Variants in FNIP2 observed in about 807,000 individuals in gnomAD.
FNIP2 encodes the protein folliculin interacting protein 2, also known as folliculin-interacting protein 2.
A neutral mutation model predicts 108.7 loss-of-function variants in FNIP2; 32 were observed. The ratio of observed to expected loss-of-function variants is 0.29; its 90% confidence interval spans 0.22 to 0.40. The LOEUF is 0.40. Ranked by LOEUF, FNIP2 falls within the 10% of genes least tolerant of loss-of-function variation. The pLI, the probability that FNIP2 is intolerant of heterozygous loss-of-function variation, is 1.00. For synonymous variants in FNIP2, 480 were observed against 496.7 expected (o/e 0.97, Z 0.45); for missense variants, 1,202 against 1,381.6 (o/e 0.87, Z 2.06).
At chr4:158,842,853 C>T (rs1779203491) in intron 7 of FNIP2, among the ~76,000 whole-genome samples, 1 of 151,960 alleles carries the variant, frequency 6.6e-6, no homozygotes. Context: ...CTTTTGAGGA[C>T]CCTTTAAAGT....
At position 158,831,941 on chromosome 4, in the gene FNIP2, C is replaced by T; in HGVS notation, c.462C>T (p.Thr154=). 1 of 1,610,874 alleles carries T rather than the reference C, an allele frequency of 6.2e-7. No homozygotes were observed. Among genetic ancestry groups the T allele is most frequent in the Non-Finnish European group, 8.5e-7 (1 of 1,178,202 alleles). Residue 154 remains threonine (T), a synonymous_variant, in exon 4 of 17, where the codon ACC becomes ACT. Coordinates refer to ENST00000264433, the MANE Select transcript of FNIP2 (RefSeq NM_020840.3). ...TTGCCATGAGTTACAAAGGCTCCAC[C>T]TTAAAGATACACTACATACGGTGAG... ...GSVAMSYKGS[T]LKIHYIRSPP...
intron 7 of FNIP2, among the ~76,000 whole-genome samples, chr4:158,839,952 G>A (rs1364838245): frequency 6.6e-6 from 1 of 152,142 alleles, no homozygotes; most frequent in African/African-American, 2.4e-5. Flanking sequence ...TTCTCTTTTG[G>A]ATATTTTGAA....
chr4:158,890,414 C>G (rs1318151746), intron 14 of FNIP2: 2 of 921,454 alleles, frequency 2.2e-6, no homozygotes, highest in Non-Finnish European at 2.6e-6. Context: ...TCTCACCACT[C>G]TCTTTCCCAT....
intron 1 of FNIP2, among the ~76,000 whole-genome samples, chr4:158,815,572 G>T (rs1240845892): frequency 6.6e-6 from 1 of 151,932 alleles, no homozygotes; most frequent in Admixed American, 6.6e-5. Flanking sequence ...TCACGTGTTA[G>T]CCAGGATGCT....
At chr4:158,804,165 C>T (rs920630151) in intron 1 of FNIP2, among the ~76,000 whole-genome samples, 1 of 152,078 alleles carries the variant, frequency 6.6e-6, no homozygotes, top group Non-Finnish European at 1.5e-5. Context: ...TGGTCTCAAA[C>T]TCCTGACCTC....
At chr4:158,885,463 A>G (rs923320926) in intron 14 of FNIP2, among the ~76,000 whole-genome samples, 1 of 152,190 alleles carries the variant, frequency 6.6e-6, no homozygotes, top group Non-Finnish European at 1.5e-5. Flanking sequence ...GGAAATGATC[A>G]TGTGGTATTT....
chr4:158,798,529 A>T (rs754310189), intron 1 of FNIP2, among the ~76,000 whole-genome samples: 74 of 152,158 alleles, frequency 4.9e-4, no homozygotes, highest in Non-Finnish European at 8.8e-4. Context: ...ATTTTTCTGA[A>T]TTATTGATTT....
intron 14 of FNIP2, among the ~76,000 whole-genome samples, chr4:158,880,542 TAACA>T (rs1781533903): frequency 6.6e-6 from 1 of 152,204 alleles, no homozygotes; most frequent in Non-Finnish European, 1.5e-5. Flanking sequence ...TATACATATG[TAACA>T]AACCTGCACG....
At chr4:158,871,453 C>T in intron 14 of FNIP2, 1 of 985,190 alleles carries the variant, frequency 1.0e-6, no homozygotes, top group Non-Finnish European at 1.2e-6. Flanking sequence ...TTATCTTTGG[C>T]CTTGAGCATC....
chr4:158,828,575 C>T (rs948253933), intron 2 of FNIP2, among the ~76,000 whole-genome samples: 15 of 152,108 alleles, frequency 9.9e-5, no homozygotes, highest in African/African-American at 2.9e-4. Context: ...GAGATCATGC[C>T]GCTGCACTAC....
rs751342844 is a variant in FNIP2 at position 158,868,064 on chromosome 4, C to T, written c.1466-38C>T. ...GGATATATCTGTGACATGCTAACCCCAGAGACCACTGCCTTTGTGTCCACC... is the reference window on the plus strand; with the variant it reads ...GGATATATCTGTGACATGCTAACCCTAGAGACCACTGCCTTTGTGTCCACC... On this transcript the variant is annotated intron_variant, in intron 12 of 16. Transcript: ENST00000264433. The surrounding 1 kb of genome is among the most constrained non-coding windows in gnomAD (Gnocchi z 4.6). 7.5e-6 allele frequency: 12 copies of T among 1,602,844 alleles called. No homozygotes were observed. The Admixed American group carries it at 1.0e-4, about 13-fold the overall frequency.
At chr4:158,804,667 C>T (rs141931047) in intron 1 of FNIP2, among the ~76,000 whole-genome samples, 2 of 152,088 alleles carry the variant, frequency 1.3e-5, no homozygotes. Flanking sequence ...TCGCCTTGGC[C>T]TCTCAAAGCA....
At chr4:158,769,433 T>C in intron 1 of FNIP2, 114 bp downstream of exon 1, 1 of 595,520 alleles carries the variant, frequency 1.7e-6, no homozygotes, top group Non-Finnish European at 2.5e-6. Flanking sequence ...GCGCTGCCTA[T>C]CGCCGGCACC....
intron 1 of FNIP2, among the ~76,000 whole-genome samples, chr4:158,771,752 A>G (rs1360011479): frequency 6.6e-6 from 1 of 152,130 alleles, no homozygotes; most frequent in East Asian, 1.9e-4. Context: ...CTAAGATCCA[A>G]CTTTTTGTTT....
intron 3 of FNIP2, among the ~76,000 whole-genome samples, chr4:158,829,712 GT>G (rs1447044420): frequency 1.1e-4 from 12 of 111,326 alleles, no homozygotes; most frequent in Admixed American, 3.4e-4. Context: ...TGTGTGTGGG[GT>G]GTGTGTGTGT....
intron 6 of FNIP2, 154 bp downstream of exon 6, chr4:158,833,782 T>A: frequency 6.6e-7 from 1 of 1,519,168 alleles, no homozygotes; most frequent in South Asian, 1.2e-5. Flanking sequence ...TGCCCTCTTC[T>A]ATGTGTTTCC....
chr4:158,836,959 T>A (rs1248697558), intron 7 of FNIP2, among the ~76,000 whole-genome samples: 1 of 152,144 alleles, frequency 6.6e-6, no homozygotes, highest in African/African-American at 2.4e-5. Flanking sequence ...TGTTTAATGG[T>A]GCTGAAGATA....
chr4:158,789,888 G>C (rs1393181581), intron 1 of FNIP2, among the ~76,000 whole-genome samples: 1 of 151,936 alleles, frequency 6.6e-6, no homozygotes, highest in Non-Finnish European at 1.5e-5. Flanking sequence ...AAGGGGAGGA[G>C]GGGTTTGCTG....
chr4:158,787,986 T>C (rs1776276358), intron 1 of FNIP2, among the ~76,000 whole-genome samples: 1 of 152,174 alleles, frequency 6.6e-6, no homozygotes, highest in Non-Finnish European at 1.5e-5. Context: ...TCCTAACTAG[T>C]GTGGTGATTA....
Sources: gnomAD v4.1 joint callset for allele counts (sites outside exome capture counted in the v4.1 genomes callset) on GRCh38, gnomAD v4.1.1 for gene constraint, Gnocchi (gnomAD v3.1) non-coding constraint, MANE v1.5 for transcripts, NCBI Gene and HGNC (gene_info 2026-07-23, HGNC 2026-07-21) for gene names.